AVEN: variants seen among roughly 807,000 people sequenced by gnomAD.
AVEN encodes the protein cell death regulator Aven.
AVEN carries 41 observed loss-of-function variants against 38.1 expected under a neutral mutation model. That is an observed-to-expected ratio of 1.08 (90% CI 0.84 to 1.40). The LOEUF (loss-of-function observed/expected upper bound fraction) is 1.40, where lower values mean the gene tolerates loss of function less well. AVEN is among the 40% of genes most tolerant of loss of function. AVEN has a pLI of 0.00. For synonymous variants in AVEN, 206 were observed against 171.8 expected (o/e 1.20, Z -1.56); for missense variants, 605 against 438.8 (o/e 1.38, Z -3.38).
chr15:34,005,590 A>C (rs578256039), intron 1 of AVEN, among the ~76,000 whole-genome samples: 71 of 152,348 alleles, frequency 4.7e-4, no homozygotes, highest in Non-Finnish European at 9.3e-4. Context: ...ATATATAATA[A>C]CTAAGATGGA....
downstream of AVEN, chr15:33,865,221 G>A (rs1266422222): frequency 1.9e-6 from 3 of 1,610,610 alleles, no homozygotes; most frequent in Non-Finnish European, 2.5e-6. Flanking sequence ...AGATCAGCTT[G>A]GATAAATCTG....
At chr15:33,854,415 A>G (rs1465461269), downstream of AVEN, 9 of 1,576,112 alleles carry the variant, frequency 5.7e-6, no homozygotes, top group East Asian at 2.3e-5. Context: ...ATGAAGTACC[A>G]TATCTGGAAG....
At chr15:33,878,239 T>A (rs951533848) in intron 2 of AVEN, among the ~76,000 whole-genome samples, 8 of 152,178 alleles carry the variant, frequency 5.3e-5, no homozygotes, top group South Asian at 2.1e-4. Context: ...TGCTTTTTTT[T>A]AAATGGTAAA....
At position 33,947,683 on chromosome 15, in the gene AVEN, TA is replaced by T. The variant is rs544535664; in HGVS notation, c.445+55348del. Reference sequence around the variant, plus strand: ...ATAAATGCTATGTAAATAGTTTTACTATTTTTTTATATTATTTTTATCTTTT... The same window carrying T: ...ATAAATGCTATGTAAATAGTTTTACTTTTTTTTATATTATTTTTATCTTTT... On this transcript the variant is annotated intron_variant, in intron 2 of 5. Coordinates refer to ENST00000306730, the MANE Select transcript of AVEN (RefSeq NM_020371.3). 9.2e-5 allele frequency among the ~76,000 whole-genome samples: 14 copies of T among 152,366 alleles called. No individual in the cohort carries two copies. In the South Asian group the frequency reaches 1.2e-3, roughly 14 times the overall value.
chr15:33,952,459 C>G (rs1317672635), intron 2 of AVEN, among the ~76,000 whole-genome samples: 1 of 152,176 alleles, frequency 6.6e-6, no homozygotes, highest in Non-Finnish European at 1.5e-5. Flanking sequence ...GTCTCATCCA[C>G]TGTAATTTCA....
rs2153036144 is a variant in AVEN at position 33,875,923 on chromosome 15, A to G, written c.516+2T>C. The G allele has an allele frequency of 6.2e-7, 1 of 1,612,688 alleles. No individual in the cohort carries two copies. Among genetic ancestry groups the G allele is most frequent in the East Asian group, 2.2e-5 (1 of 44,844 alleles). ...CCACACTTAACACAACTCTTATCTT[A>G]CCTGTTTTGGACAAGAAGCTTCACT... On this transcript the variant is annotated splice_donor_variant, in intron 3 of 5. Transcript: ENST00000306730. LOFTEE classifies it high-confidence loss of function.
chr15:34,031,211 G>A lies in AVEN; in HGVS notation c.267+7569C>T, dbSNP rs536832972. 6.3e-5 allele frequency among the ~76,000 whole-genome samples: 4 copies of A among 63,182 alleles called. No homozygotes were observed. In the East Asian group the frequency reaches 1.4e-3, roughly 22 times the overall value. The allele number at this position is 63,182 out of a possible 152,430, so 41.4% of individuals were successfully genotyped here. ...TTTTTTGAGACTGAGTTTTGCTCTT[G>A]TTGCCCAGGCTGGAATGCAATGGCG... is the stretch of plus-strand genomic sequence containing the variant. On this transcript the variant is annotated intron_variant, in intron 1 of 5. Coordinates refer to ENST00000306730, the MANE Select transcript of AVEN (RefSeq NM_020371.3).
chr15:33,968,736 AAGC>A (rs554703851), intron 2 of AVEN: 45 of 152,298 alleles, frequency 3.0e-4, no homozygotes, highest in African/African-American at 1.1e-3. Flanking sequence ...ATGTTTTTTA[AAGC>A]AGCTTGATTT....
At chr15:33,858,000 G>C (rs1264227989), downstream of AVEN, 8 of 1,552,900 alleles carry the variant, frequency 5.2e-6, no homozygotes, top group African/African-American at 1.4e-5. Context: ...GGCTGTGTGG[G>C]GGTGCTCTTG....
At chr15:34,017,639 C>G (rs1179546877) in intron 1 of AVEN, among the ~76,000 whole-genome samples, 1 of 151,972 alleles carries the variant, frequency 6.6e-6, no homozygotes, top group Admixed American at 6.6e-5. Flanking sequence ...GCCACCACAC[C>G]CAGCTAATTT....
intron 2 of AVEN, among the ~76,000 whole-genome samples, chr15:33,974,579 G>T (rs1004676996): frequency 1.3e-5 from 2 of 152,176 alleles, no homozygotes; most frequent in Non-Finnish European, 2.9e-5. Context: ...GTGTTGGGGT[G>T]GGGGCAGCTA....
At chr15:33,876,110 G>A (rs7181961) in intron 2 of AVEN, 115 bp from the exon 3 acceptor site, 16,683 of 888,236 alleles carry the variant, frequency 0.019, 1,021 homozygotes, top group South Asian at 0.12. Context: ...CTCAAAGGGA[G>A]AGGCAAGGAT....
intron 1 of AVEN, chr15:34,006,947 G>C (rs1897379878): frequency 4.1e-6 from 2 of 491,608 alleles, no homozygotes; most frequent in Non-Finnish European, 5.3e-6. Context: ...ATAAAATACT[G>C]ATCAGAAAAC....
chr15:34,057,303 AT>A (rs59628367), intron 5 of AVEN, among the ~76,000 whole-genome samples: 8 of 147,246 alleles, frequency 5.4e-5, no homozygotes, highest in African/African-American at 1.5e-4. Flanking sequence ...CGCCCAGCTA[AT>A]TTTTTTTTTT....
intron 5 of AVEN, among the ~76,000 whole-genome samples, chr15:34,048,131 T>C (rs1899787138): frequency 6.6e-6 from 1 of 152,108 alleles, no homozygotes; most frequent in African/African-American, 2.4e-5. Flanking sequence ...TTGCCTCGGC[T>C]TTCCAAAGTG....
intron 1 of AVEN, among the ~76,000 whole-genome samples, chr15:34,018,053 T>C (rs1271656782): frequency 6.6e-6 from 1 of 152,260 alleles, no homozygotes; most frequent in Admixed American, 6.5e-5. Context: ...AAATGGTTTA[T>C]GTATTTACTA....
At chr15:34,058,300 AAATTAACCATCAC>A (rs1255105262) in intron 5 of AVEN, among the ~76,000 whole-genome samples, 9 of 152,140 alleles carry the variant, frequency 5.9e-5, no homozygotes, top group Admixed American at 5.2e-4. Context: ...TGGACACATA[AAATTAACCATCAC>A]ACTATTGATA....
intron 2 of AVEN, among the ~76,000 whole-genome samples, chr15:33,961,552 G>T (rs557876505): frequency 6.6e-6 from 1 of 151,832 alleles, no homozygotes; most frequent in South Asian, 2.1e-4. Context: ...GGTGGCTCAT[G>T]CCTGTAATCC....
chr15:34,026,431 T>C (rs56167847), intron 1 of AVEN, among the ~76,000 whole-genome samples: 3,321 of 152,240 alleles, frequency 0.022, 116 homozygotes, highest in African/African-American at 0.074. Flanking sequence ...CACGGATTAA[T>C]TTTGATGACA....
Sources: gnomAD v4.1 joint callset for allele counts (sites outside exome capture counted in the v4.1 genomes callset) on GRCh38, gnomAD v4.1.1 for gene constraint, MANE v1.5 for transcripts, NCBI Gene and HGNC (gene_info 2026-07-23, HGNC 2026-07-21) for gene names.